PCSK5: variants seen among roughly 807,000 people sequenced by gnomAD.
The protein encoded by PCSK5 is proprotein convertase subtilisin/kexin type 5.
A neutral mutation model predicts 233.2 loss-of-function variants in PCSK5; 129 were observed. The ratio of observed to expected loss-of-function variants is 0.55; its 90% CI spans 0.48 to 0.64. The LOEUF is 0.64. PCSK5 is among the 30% of genes least tolerant of loss of function. The pLI is 0.00. For missense variants in PCSK5, 2,076 were observed against 2,430.1 expected (o/e 0.85, Z 3.06); for synonymous variants, 825 against 879.2 (o/e 0.94, Z 1.09).
intron 9 of PCSK5, among the ~76,000 whole-genome samples, chr9:76,108,913 G>A (rs539704889): frequency 8.5e-5 from 13 of 152,314 alleles, no homozygotes; most frequent in South Asian, 2.1e-4. Flanking sequence ...GACTGAAACC[G>A]GGGGAAGGAC....
Position 76,096,114 on chromosome 9 carries a change from G to A in PCSK5, c.1107+12G>A, listed in dbSNP as rs772659357. 1.3e-6 allele frequency: 2 copies of A among 1,580,124 alleles called. No homozygotes were observed. The highest frequency in any genetic ancestry group is 1.7e-6 in the Non-Finnish European group (2 of 1,149,588). ...ACGATAAGAAAATCGTACGTGACAT[G>A]TGCATGCCCATCATGATCTGTTTAT... On this transcript the variant is annotated intron_variant, in intron 8 of 37. Coordinates refer to ENST00000674117, the MANE Select transcript of PCSK5 (RefSeq NM_001372043.1).
intron 5 of PCSK5, among the ~76,000 whole-genome samples, chr9:76,064,551 G>A (rs1352240526): frequency 2.0e-5 from 3 of 148,214 alleles, no homozygotes; most frequent in African/African-American, 5.0e-5. Flanking sequence ...GCTGCCGGGC[G>A]GAGACGCTCC....
chr9:76,188,540 C>CAACA, intron 17 of PCSK5, 38 bp from the exon 18 acceptor site: 1 of 1,414,096 alleles, frequency 7.1e-7, no homozygotes, highest in Non-Finnish European at 1.0e-6. Context: ...GGCCTCATCA[C>CAACA]AACAGTCTGT....
chr9:76,175,207 G>GAATGGAATGGAATGA (rs750861488), intron 14 of PCSK5, 78 bp downstream of exon 14: 8 of 770,142 alleles, frequency 1.0e-5, no homozygotes, highest in Non-Finnish European at 1.5e-5. Flanking sequence ...GAACAGAATG[G>GAATGGAATGGAATGA]AATGGAATGG....
At chr9:75,978,378 C>T (rs1169054653) in intron 2 of PCSK5, among the ~76,000 whole-genome samples, 1 of 152,226 alleles carries the variant, frequency 6.6e-6, no homozygotes, top group Non-Finnish European at 1.5e-5. Flanking sequence ...AATTGTGAAG[C>T]ACATTGTAAG....
intron 3 of PCSK5, among the ~76,000 whole-genome samples, chr9:76,011,765 T>C (rs1193144624): frequency 6.6e-6 from 1 of 152,206 alleles, no homozygotes; most frequent in East Asian, 1.9e-4. Flanking sequence ...TTTGCTCTGA[T>C]TTGCCCTTCC....
chr9:76,068,828 C>T (rs564501361), intron 6 of PCSK5, among the ~76,000 whole-genome samples: 1 of 152,232 alleles, frequency 6.6e-6, no homozygotes, highest in East Asian at 1.9e-4. Context: ...TAGGGGTCTC[C>T]TAAGAGCGTC....
At chr9:76,241,825 C>G (rs903647639) in intron 24 of PCSK5, among the ~76,000 whole-genome samples, 8 of 152,166 alleles carry the variant, frequency 5.3e-5, no homozygotes, top group Non-Finnish European at 1.0e-4. Context: ...CTTCATGGAA[C>G]TTCCATGAAG....
At chr9:76,169,895 A>T in intron 13 of PCSK5, 55 bp downstream of exon 13, 1 of 1,506,756 alleles carries the variant, frequency 6.6e-7, no homozygotes, top group South Asian at 1.2e-5. Context: ...ATGATGGAGT[A>T]TATTTTGGCC....
At chr9:75,935,832 G>A (rs1295688721) in intron 2 of PCSK5, among the ~76,000 whole-genome samples, 1 of 152,178 alleles carries the variant, frequency 6.6e-6, no homozygotes, top group Non-Finnish European at 1.5e-5. Context: ...GTTCTTCTCA[G>A]TACATCAGAT....
chr9:76,042,878 T>G (rs1011402898), intron 5 of PCSK5, among the ~76,000 whole-genome samples: 6 of 152,150 alleles, frequency 3.9e-5, no homozygotes, highest in Non-Finnish European at 7.3e-5. Context: ...TGTAATTCCT[T>G]CCCATGAAGT....
intron 1 of PCSK5, among the ~76,000 whole-genome samples, chr9:75,909,669 T>A (rs1822637776): frequency 1.3e-5 from 2 of 152,074 alleles, no homozygotes; most frequent in South Asian, 4.1e-4. Flanking sequence ...CACTTCAGCC[T>A]GGGTAACAAG....
intron 24 of PCSK5, among the ~76,000 whole-genome samples, chr9:76,272,248 G>A (rs947047699): frequency 5.3e-5 from 8 of 151,846 alleles, no homozygotes; most frequent in Non-Finnish European, 1.0e-4. Flanking sequence ...AATATTTTTC[G>A]CTCTGTCTAC....
At position 76,359,379 on chromosome 9, in the gene PCSK5, T is replaced by A. The variant is rs2377636; in HGVS notation, c.*457T>A. 0.16 allele frequency: 26,226 copies of A among 163,712 alleles called. 2,331 individuals carry two copies. Among genetic ancestry groups the A allele is most frequent in the East Asian group, 0.23 (1,366 of 5,974 alleles). 10.1% of individuals were successfully genotyped at this position (163,712 alleles called of 1,614,324 possible). On this transcript the variant is annotated 3_prime_UTR_variant, in exon 38 of 38. Coordinates refer to ENST00000674117, the MANE Select transcript of PCSK5 (RefSeq NM_001372043.1). ...TGGAGGTACAAAGGAGTTGTTGGTT[T>A]GGTGGTGTTTTTCTTCCCTTTAGCT... is the stretch of plus-strand genomic sequence containing the variant.
chr9:76,125,068 C>T (rs891436247), intron 9 of PCSK5, among the ~76,000 whole-genome samples: 1 of 151,872 alleles, frequency 6.6e-6, no homozygotes, highest in African/African-American at 2.4e-5. Flanking sequence ...ATTTCTTTTT[C>T]CTTTCTTTGT....
chr9:76,140,850 A>T (rs1304849088), intron 10 of PCSK5, among the ~76,000 whole-genome samples: 1 of 152,144 alleles, frequency 6.6e-6, no homozygotes, highest in Non-Finnish European at 1.5e-5. Flanking sequence ...CTAGTAATTG[A>T]TATACAGTGT....
intron 3 of PCSK5, among the ~76,000 whole-genome samples, chr9:76,019,382 G>A (rs1466441522): frequency 1.3e-5 from 2 of 151,784 alleles, no homozygotes; most frequent in Non-Finnish European, 2.9e-5. Context: ...CAGGTTTTTG[G>A]ATATTTAATT....
intron 1 of PCSK5, among the ~76,000 whole-genome samples, chr9:75,903,306 A>G (rs990496993): frequency 3.3e-5 from 5 of 152,006 alleles, no homozygotes; most frequent in African/African-American, 1.2e-4. Context: ...TCTTGTTTAC[A>G]TTTGTATGGT....
chr9:76,120,693 C>G (rs201900749), intron 9 of PCSK5, among the ~76,000 whole-genome samples: 1 of 136,048 alleles, frequency 7.4e-6, no homozygotes, highest in Non-Finnish European at 1.6e-5. Flanking sequence ...GTTTTTTTTT[C>G]CAGAATATAT....
Sources: gnomAD v4.1 joint callset for allele counts (sites outside exome capture counted in the v4.1 genomes callset) on GRCh38, gnomAD v4.1.1 for gene constraint, MANE v1.5 for transcripts, NCBI Gene and HGNC (gene_info 2026-07-23, HGNC 2026-07-21) for gene names.